WDR70: variants seen among roughly 807,000 people sequenced by gnomAD.
WDR70 encodes the protein WD repeat-containing protein 70.
A neutral mutation model predicts 88.6 loss-of-function variants in WDR70; 53 were observed. The ratio of observed to expected loss-of-function variants is 0.60; its 90% confidence interval spans 0.48 to 0.75. WDR70 has a LOEUF of 0.75. Among genes scored for constraint, WDR70 ranks in the 30% least tolerant of loss-of-function variants. The probability of loss-of-function intolerance (pLI) is 0.00; values close to 1 mark genes in which losing one functional copy is unlikely to be tolerated. For missense variants in WDR70, 610 were observed against 823.2 expected (o/e 0.74, Z 3.17); for synonymous variants, 280 against 270.0 (o/e 1.04, Z -0.36).
At chr5:37,423,629 T>C (rs1750022162) in intron 5 of WDR70, among the ~76,000 whole-genome samples, 1 of 147,656 alleles carries the variant, frequency 6.8e-6, no homozygotes, top group African/African-American at 2.5e-5. Flanking sequence ...AGTGGCGCTA[T>C]CTTGGCTCAT....
Position 37,437,970 on chromosome 5 carries a change from G to A in WDR70, c.541G>A (p.Gly181Ser), listed in dbSNP as rs1375401727. The change falls in exon 6 of 18, where the codon GGC becomes AGC. Residue 181 changes from glycine (G) to serine (S), a missense_variant. Gly to Ser is a moderately conservative substitution (Grantham distance 56). Around this residue, in one of 4 missense-constraint regions of WDR70, gnomAD observed 203 missense variants for 228.1 expected, o/e 0.89. Transcript: ENST00000265107. ...CTCGCATGAGATAACGCTGAAGCATGGCACTAAAACAGTAAGTTTAAAAAT... is the reference window on the plus strand; with the variant it reads ...CTCGCATGAGATAACGCTGAAGCATAGCACTAAAACAGTAAGTTTAAAAAT... The part of the protein sequence containing the change: ...PDSHEITLKH[G>S]TKTVSALGLD... 6.2e-7 allele frequency: 1 copy of A among 1,609,768 alleles called. No individual in the cohort carries two copies.
At chr5:37,469,510 G>T (rs1220187348) in intron 7 of WDR70, among the ~76,000 whole-genome samples, 1 of 152,232 alleles carries the variant, frequency 6.6e-6, no homozygotes, top group Non-Finnish European at 1.5e-5. Flanking sequence ...TGATGGAATT[G>T]AAGTCATGAG....
chr5:37,505,547 G>A (rs1385946074), intron 8 of WDR70: 3 of 635,226 alleles, frequency 4.7e-6, no homozygotes, highest in Non-Finnish European at 8.6e-6. Context: ...ATGCACCGCT[G>A]AGAGCAAGCA....
At chr5:37,403,211 G>A (rs1466245692) in intron 5 of WDR70, among the ~76,000 whole-genome samples, 1 of 152,054 alleles carries the variant, frequency 6.6e-6, no homozygotes, top group African/African-American at 2.4e-5. Context: ...GCCTCCCAAA[G>A]TGCTGGGATT....
chr5:37,594,515 G>C (rs1743641740), intron 9 of WDR70, among the ~76,000 whole-genome samples: 1 of 152,078 alleles, frequency 6.6e-6, no homozygotes, highest in Non-Finnish European at 1.5e-5. Flanking sequence ...CTCTGTTTTG[G>C]TACCAGTACC....
chr5:37,474,850 A>G (rs1739429748), intron 7 of WDR70, among the ~76,000 whole-genome samples: 1 of 152,180 alleles, frequency 6.6e-6, no homozygotes, highest in Non-Finnish European at 1.5e-5. Context: ...CTGTTTCTGC[A>G]TTAGTTTGCT....
At position 37,595,383 on chromosome 5, in the gene WDR70, A is replaced by ATG. The variant is rs1491181992; in HGVS notation, c.918-9671_918-9670dup. 5.6e-5 allele frequency among the ~76,000 whole-genome samples: 8 copies of ATG among 143,558 alleles called. No homozygotes were observed. The East Asian group carries it at 5.8e-4, about 10-fold the overall frequency. 94.2% of individuals were successfully genotyped at this position (143,558 alleles called of 152,430 possible). ...GCATAATACATATGGAAATCTGGCC[A>ATG]TGTGTGTGTGTAGTATTTATACATT... On this transcript the variant is annotated intron_variant, in intron 9 of 17. Transcript: ENST00000265107.
At chr5:37,477,629 A>C (rs1400660491) in intron 7 of WDR70, among the ~76,000 whole-genome samples, 1 of 152,178 alleles carries the variant, frequency 6.6e-6, no homozygotes, top group African/African-American at 2.4e-5. Flanking sequence ...AAACTGGCCA[A>C]GTCACTTTGC....
At chr5:37,648,892 G>A (rs1273109484) in intron 10 of WDR70, among the ~76,000 whole-genome samples, 1 of 151,906 alleles carries the variant, frequency 6.6e-6, no homozygotes, top group Non-Finnish European at 1.5e-5. Context: ...ATTGAATTTT[G>A]CTTCTTATTA....
chr5:37,593,392 A>G (rs558184651), intron 9 of WDR70, among the ~76,000 whole-genome samples: 4 of 151,896 alleles, frequency 2.6e-5, no homozygotes, highest in Non-Finnish European at 5.9e-5. Context: ...GAGTGAGAAC[A>G]TGCGGTGTTT....
chr5:37,527,956 G>T (rs140096854), intron 9 of WDR70, among the ~76,000 whole-genome samples: 2 of 152,080 alleles, frequency 1.3e-5, no homozygotes, highest in Non-Finnish European at 2.9e-5. Flanking sequence ...TTAGAATGCC[G>T]ATCATTAAAA....
At chr5:37,600,523 T>C (rs1404471335) in intron 9 of WDR70, among the ~76,000 whole-genome samples, 1 of 43,910 alleles carries the variant, frequency 2.3e-5, no homozygotes. Context: ...CAAGACTCCG[T>C]CTCAAAAAAA....
intron 8 of WDR70, among the ~76,000 whole-genome samples, chr5:37,507,636 A>T (rs1404741557): frequency 6.6e-6 from 1 of 152,192 alleles, no homozygotes. Flanking sequence ...TGATGTTTTC[A>T]GTATATTGAG....
At position 37,638,632 on chromosome 5, in the gene WDR70, CCCTT is replaced by C. The variant is rs148622060; in HGVS notation, c.1092+33396_1092+33399del. On this transcript the variant is annotated intron_variant, in intron 10 of 17. Coordinates refer to ENST00000265107, the MANE Select transcript of WDR70 (RefSeq NM_018034.4). ...TGTTAATATGTTAAGTTCTCAAACTCCCTTCATGTTAGCAATACCATTTCTTTTG... is the reference window on the plus strand; with the variant it reads ...TGTTAATATGTTAAGTTCTCAAACTCCATGTTAGCAATACCATTTCTTTTG... Among the ~76,000 whole-genome samples, 5 of 152,270 alleles carry C rather than the reference CCCTT, an allele frequency of 3.3e-5. No individual in the cohort carries two copies. In the East Asian group the frequency reaches 7.7e-4, roughly 23 times the overall value.
At position 37,743,005 on chromosome 5, in the gene WDR70, G is replaced by A. The variant is rs373698843; in HGVS notation, c.1878-9481G>A. Among the ~76,000 whole-genome samples the A allele has an allele frequency of 1.1e-3, 167 of 152,318 alleles. 3 individuals carry two copies. The South Asian group carries it at 0.033, about 30-fold the overall frequency. On this transcript the variant is annotated intron_variant, in intron 17 of 17. Transcript: ENST00000265107. Reference sequence around the variant, plus strand: ...CTTGAAATATCACATGAAATATTACGGGCAGGGCCAAGATGGCCAATTCAA... The same window carrying A: ...CTTGAAATATCACATGAAATATTACAGGCAGGGCCAAGATGGCCAATTCAA...
intron 8 of WDR70, among the ~76,000 whole-genome samples, chr5:37,502,543 G>A (rs777242391): frequency 6.6e-6 from 1 of 152,164 alleles, no homozygotes; most frequent in African/African-American, 2.4e-5. Context: ...ATCCATTGAG[G>A]TAATCATATG....
intron 10 of WDR70, among the ~76,000 whole-genome samples, chr5:37,634,243 G>A (rs1459996343): frequency 6.8e-5 from 10 of 147,878 alleles, no homozygotes; most frequent in Non-Finnish European, 1.3e-4. Context: ...AGCTTGTAGT[G>A]AGCTGAGATT....
chr5:37,682,906 G>A (rs532552642), intron 10 of WDR70, among the ~76,000 whole-genome samples: 1 of 151,620 alleles, frequency 6.6e-6, no homozygotes, highest in Non-Finnish European at 1.5e-5. Context: ...GTTGTTTTGG[G>A]TGGAGAGTTC....
chr5:37,725,306 G>T (rs1187363927), intron 16 of WDR70, among the ~76,000 whole-genome samples: 1 of 151,960 alleles, frequency 6.6e-6, no homozygotes, highest in Non-Finnish European at 1.5e-5. Flanking sequence ...TCTCCAACTA[G>T]AGTTTTCCTA....
Sources: allele counts gnomAD v4.1 joint callset (sites outside exome capture counted in the v4.1 genomes callset), GRCh38; gene constraint gnomAD v4.1.1; regional missense constraint gnomAD v4.1.1; transcripts MANE v1.5; gene names NCBI Gene and HGNC (gene_info 2026-07-23, HGNC 2026-07-21).